TRPM3: variants seen among roughly 807,000 people sequenced by gnomAD.
The protein encoded by TRPM3 is long transient receptor potential channel 3.
A neutral mutation model predicts 181.2 loss-of-function variants in TRPM3; 77 were observed. The ratio of observed to expected loss-of-function variants is 0.42; its 90% CI spans 0.35 to 0.51. TRPM3 has a LOEUF of 0.51. Among genes scored for constraint, TRPM3 ranks in the 20% least tolerant of loss-of-function variants. The pLI is 0.01. For synonymous variants in TRPM3, 745 were observed against 796.4 expected (o/e 0.94, Z 1.09); for missense variants, 1,759 against 2,196.7 (o/e 0.80, Z 3.98).
intron 1 of TRPM3, among the ~76,000 whole-genome samples, chr9:70,965,863 A>G (rs947583454): frequency 2.0e-4 from 30 of 152,074 alleles, no homozygotes; most frequent in African/African-American, 7.2e-4. Flanking sequence ...ACCAGTAGGA[A>G]TGGCAACAAA....
At chr9:70,677,293 C>T (rs1035384340) in intron 9 of TRPM3, among the ~76,000 whole-genome samples, 5 of 152,230 alleles carry the variant, frequency 3.3e-5, no homozygotes, top group African/African-American at 1.2e-4. Flanking sequence ...CCTTAATCTA[C>T]ATATAATTAA....
chr9:70,592,428 T>C (rs1340560548), intron 21 of TRPM3, among the ~76,000 whole-genome samples: 2 of 152,210 alleles, frequency 1.3e-5, no homozygotes, highest in Non-Finnish European at 2.9e-5. Context: ...CCAGTGAAAC[T>C]GATCAGAGTA....
In TRPM3 at chr9:70,985,616, C is replaced by T. The variant is rs190935414; in HGVS notation, c.178-121105G>A. On this transcript the variant is annotated intron_variant, in intron 1 of 25. Coordinates refer to ENST00000677713, the MANE Select transcript of TRPM3 (RefSeq NM_001366145.2). ...AATAAAAGTTGTCTTCTAAATTCATCTAAAGTACTTGTTGCTAATCTCAGT... is the reference window on the plus strand; with the variant it reads ...AATAAAAGTTGTCTTCTAAATTCATTTAAAGTACTTGTTGCTAATCTCAGT... 4.0e-3 allele frequency among the ~76,000 whole-genome samples: 609 copies of T among 152,238 alleles called. 13 individuals carry two copies. The highest frequency in any genetic ancestry group is 3.7e-3 in the Non-Finnish European group (254 of 68,028).
chr9:70,986,553 ATAT>A (rs1369588938), intron 1 of TRPM3, among the ~76,000 whole-genome samples: 2 of 152,090 alleles, frequency 1.3e-5, no homozygotes, highest in African/African-American at 2.4e-5. Context: ...TGTGAGGTGG[ATAT>A]TATTATCTCC....
At chr9:70,846,903 C>T (rs893635270) in intron 3 of TRPM3, among the ~76,000 whole-genome samples, 1 of 152,176 alleles carries the variant, frequency 6.6e-6, no homozygotes, top group Non-Finnish European at 1.5e-5. Context: ...TTTCACCACC[C>T]TTTACATGTG....
intron 9 of TRPM3, among the ~76,000 whole-genome samples, chr9:70,677,833 T>C (rs2064397575): frequency 6.6e-6 from 1 of 152,020 alleles, no homozygotes. Context: ...GATCGCCCCC[T>C]TTCCACCCCT....
chr9:70,561,389 C>T lies in TRPM3; in HGVS notation c.3224-8079G>A, dbSNP rs17055308. On this transcript the variant is annotated intron_variant, in intron 22 of 25. Coordinates refer to ENST00000677713, the MANE Select transcript of TRPM3 (RefSeq NM_001366145.2). ...TGGCAAGACAACTGGAGATGCCTCC[C>T]TTTGCATGGCTACATCTTTCTAGAA... Among the ~76,000 whole-genome samples, 643 of 152,280 alleles carry T rather than the reference C, an allele frequency of 4.2e-3. 27 individuals are homozygous for T. The East Asian group carries it at 0.098, about 23-fold the overall frequency.
intron 1 of TRPM3, among the ~76,000 whole-genome samples, chr9:71,075,681 G>C (rs2063357839): frequency 6.6e-6 from 1 of 152,264 alleles, no homozygotes; most frequent in South Asian, 2.1e-4. Flanking sequence ...ACAAACAATA[G>C]ATACCTGGGC....
At chr9:70,681,669 C>T (rs1299210477) in intron 8 of TRPM3, 91 bp from the exon 9 acceptor site, 7 of 1,061,950 alleles carry the variant, frequency 6.6e-6, no homozygotes, top group South Asian at 5.1e-5. Context: ...GAGACTATCT[C>T]TATATCTACA....
At chr9:70,985,442 G>A (rs2097409474) in intron 1 of TRPM3, among the ~76,000 whole-genome samples, 2 of 152,262 alleles carry the variant, frequency 1.3e-5, no homozygotes, top group South Asian at 2.1e-4. Flanking sequence ...TGGCAGTATT[G>A]AGGCTCCAAA....
intron 22 of TRPM3, among the ~76,000 whole-genome samples, chr9:70,560,923 GTATT>G (rs1199976897): frequency 6.6e-6 from 1 of 152,142 alleles, no homozygotes; most frequent in Non-Finnish European, 1.5e-5. Context: ...GGGAAAAGAA[GTATT>G]TATTTATTTA....
intron 1 of TRPM3, among the ~76,000 whole-genome samples, chr9:71,023,445 A>T (rs957344317): frequency 2.6e-5 from 4 of 152,226 alleles, no homozygotes; most frequent in Non-Finnish European, 4.4e-5. Flanking sequence ...AGAACTAAAC[A>T]TCAGCTATTA....
chr9:70,834,502 T>G (rs1482364743), intron 5 of TRPM3, among the ~76,000 whole-genome samples: 1 of 152,200 alleles, frequency 6.6e-6, no homozygotes, highest in African/African-American at 2.4e-5. Flanking sequence ...TTGAAACTCT[T>G]TCCTAGTCTA....
chr9:71,360,822 T>C (rs2092111298), intron 1 of TRPM3, among the ~76,000 whole-genome samples: 1 of 152,034 alleles, frequency 6.6e-6, no homozygotes, highest in Non-Finnish European at 1.5e-5. Flanking sequence ...TGCATTAAAA[T>C]GATCCAGAAA....
intron 1 of TRPM3, among the ~76,000 whole-genome samples, chr9:70,887,369 T>A (rs1202060686): frequency 6.6e-6 from 1 of 152,192 alleles, no homozygotes; most frequent in Non-Finnish European, 1.5e-5. Context: ...ACAAAATGAT[T>A]CCTCACTATG....
intron 1 of TRPM3, among the ~76,000 whole-genome samples, chr9:71,144,169 G>A (rs1329775): frequency 1 from 152,180 of 152,258 alleles, 76,051 homozygotes; most frequent in Non-Finnish European, 1. Flanking sequence ...GAAAAAATAA[G>A]TGAGAGTTCC....
rs545875208 is a variant in TRPM3, at chr9:70,878,627, A to G, written c.178-14116T>C. Among the ~76,000 whole-genome samples the G allele has an allele frequency of 1.8e-4, 28 of 152,238 alleles. No homozygotes were observed. The South Asian group carries it at 5.8e-3, about 32-fold the overall frequency. ...TTTATAACATGCCATAAAATCGATT[A>G]TGCACATGGATTTTGTGGCAACAAC... On this transcript the variant is annotated intron_variant, in intron 1 of 25. Coordinates refer to ENST00000677713, the MANE Select transcript of TRPM3 (RefSeq NM_001366145.2).
chr9:70,635,391 G>T, intron 11 of TRPM3, 130 bp from the exon 12 acceptor site: 1 of 657,748 alleles, frequency 1.5e-6, no homozygotes, highest in Non-Finnish European at 2.7e-6. Flanking sequence ...TGTTCTAGTT[G>T]CTCAGTGTAT....
intron 1 of TRPM3, among the ~76,000 whole-genome samples, chr9:71,252,153 G>A (rs2082382947): frequency 6.6e-6 from 1 of 152,040 alleles, no homozygotes; most frequent in African/African-American, 2.4e-5. Flanking sequence ...ACATGGGAGT[G>A]CAGATATCTG....
Sources: allele counts gnomAD v4.1 joint callset (sites outside exome capture counted in the v4.1 genomes callset), GRCh38; gene constraint gnomAD v4.1.1; transcripts MANE v1.5; gene names NCBI Gene and HGNC (gene_info 2026-07-23, HGNC 2026-07-21).